Variants in CTNNBIP1 observed in about 807,000 individuals in gnomAD.
CTNNBIP1 encodes catenin beta interacting protein 1, also known as beta-catenin-interacting protein 1.
A neutral mutation model predicts 11.8 loss-of-function variants in CTNNBIP1; 7 were observed. That is an observed-to-expected ratio of 0.60 (90% CI 0.34 to 1.12). The LOEUF (loss-of-function observed/expected upper bound fraction) is 1.12. Among genes scored for constraint, CTNNBIP1 ranks in the 50% most tolerant of loss-of-function variants. The probability of loss-of-function intolerance (pLI) is 0.03; values close to 1 mark genes in which losing one functional copy is unlikely to be tolerated. For synonymous variants in CTNNBIP1, 58 were observed against 43.9 expected (o/e 1.32, Z -1.26); for missense variants, 101 against 113.4 (o/e 0.89, Z 0.50).
At chr1:9,879,544 C>T (rs1026269511) in intron 2 of CTNNBIP1, among the ~76,000 whole-genome samples, 1 of 152,142 alleles carries the variant, frequency 6.6e-6, no homozygotes, top group Non-Finnish European at 1.5e-5. Context: ...AGCTGTCACC[C>T]ACCACTGCCA....
chr1:9,876,440 A>C (rs6659441), intron 3 of CTNNBIP1, among the ~76,000 whole-genome samples: 10,512 of 152,138 alleles, frequency 0.069, 1,235 homozygotes, highest in African/African-American at 0.24. Flanking sequence ...AACATGGTGA[A>C]ACCCAGTCTC....
chr1:9,853,772 G>A (rs986692681), intron 5 of CTNNBIP1, among the ~76,000 whole-genome samples: 35 of 152,156 alleles, frequency 2.3e-4, no homozygotes, highest in Admixed American at 4.6e-4. Flanking sequence ...GTTGATCTGT[G>A]TCTCCTGTTC....
intron 5 of CTNNBIP1, among the ~76,000 whole-genome samples, chr1:9,853,867 C>T (rs1178029860): frequency 6.6e-6 from 1 of 151,688 alleles, no homozygotes; most frequent in Non-Finnish European, 1.5e-5. Flanking sequence ...GAGTATCTCA[C>T]ATGAATATAG....
chr1:9,857,630 G>A (rs11809921), intron 5 of CTNNBIP1, among the ~76,000 whole-genome samples: 18,905 of 151,982 alleles, frequency 0.12, 3,269 homozygotes, highest in African/African-American at 0.38. Context: ...GTGAAACCCC[G>A]TATCTACTAA....
chr1:9,865,309 T>C (rs1638720478), intron 5 of CTNNBIP1, among the ~76,000 whole-genome samples: 1 of 150,734 alleles, frequency 6.6e-6, no homozygotes, highest in Non-Finnish European at 1.5e-5. Context: ...ATGTTAAAAA[T>C]GGGTATTAAG....
intron 2 of CTNNBIP1, among the ~76,000 whole-genome samples, chr1:9,879,919 T>A (rs967443428): frequency 6.6e-6 from 1 of 152,226 alleles, no homozygotes; most frequent in African/African-American, 2.4e-5. Flanking sequence ...TTTTTTATTT[T>A]ATTTTTTGCT....
intron 2 of CTNNBIP1, among the ~76,000 whole-genome samples, chr1:9,880,828 T>C (rs1639066586): frequency 6.6e-6 from 1 of 152,206 alleles, no homozygotes; most frequent in Non-Finnish European, 1.5e-5. Flanking sequence ...TGATTGGTTG[T>C]GCACCGTGAG....
At chr1:9,886,931 C>T (rs543597635) in intron 1 of CTNNBIP1, among the ~76,000 whole-genome samples, 91 of 152,256 alleles carry the variant, frequency 6.0e-4, no homozygotes, top group African/African-American at 2.1e-3. Context: ...TAATATATTC[C>T]ACGTTGCAGC....
chr1:9,893,462 G>C (rs188067906), intron 1 of CTNNBIP1, among the ~76,000 whole-genome samples: 1 of 152,226 alleles, frequency 6.6e-6, no homozygotes, highest in Non-Finnish European at 1.5e-5. Context: ...GAGCTCCCCT[G>C]GCAAAAAGAC....
intron 5 of CTNNBIP1, among the ~76,000 whole-genome samples, chr1:9,864,910 A>T (rs1314455845): frequency 6.6e-6 from 1 of 152,208 alleles, no homozygotes; most frequent in Non-Finnish European, 1.5e-5. Flanking sequence ...CCTGTTCCTC[A>T]AGTAAACACT....
chr1:9,899,350 G>A (rs540899425), intron 1 of CTNNBIP1, among the ~76,000 whole-genome samples: 35 of 151,294 alleles, frequency 2.3e-4, no homozygotes, highest in Non-Finnish European at 4.3e-4. Context: ...CAGCTACCCA[G>A]GAGGCTGAGG....
At chr1:9,856,029 T>A (rs962727491) in intron 5 of CTNNBIP1, among the ~76,000 whole-genome samples, 3 of 152,090 alleles carry the variant, frequency 2.0e-5, no homozygotes, top group African/African-American at 7.2e-5. Context: ...ATGCCTGTAG[T>A]CCCAGCTACT....
intron 3 of CTNNBIP1, among the ~76,000 whole-genome samples, chr1:9,875,709 G>A (rs1277887218): frequency 2.0e-5 from 3 of 152,224 alleles, no homozygotes; most frequent in African/African-American, 7.2e-5. Context: ...TCCAGCTCTA[G>A]TTTGAGCTGA....
chr1:9,889,482 T>C (rs1379623868), intron 1 of CTNNBIP1, among the ~76,000 whole-genome samples: 1 of 152,092 alleles, frequency 6.6e-6, no homozygotes, highest in African/African-American at 2.4e-5. Flanking sequence ...CCTCCACATC[T>C]CTGGGCCTCT....
intron 5 of CTNNBIP1, among the ~76,000 whole-genome samples, chr1:9,856,705 G>T (rs1450048836): frequency 6.6e-6 from 1 of 151,418 alleles, no homozygotes; most frequent in East Asian, 2.0e-4. Flanking sequence ...GTAGAGACGG[G>T]GTTTCACCAT....
chr1:9,897,645 C>T lies in CTNNBIP1; in HGVS notation c.-144+12450G>A, dbSNP rs371509168. ...CCAGCCTGGGCGACAGAGCAAGACTCCGTTTCAAAAAAAAAAAAATTAGCC... is the reference window on the plus strand; with the variant it reads ...CCAGCCTGGGCGACAGAGCAAGACTTCGTTTCAAAAAAAAAAAAATTAGCC... On this transcript the variant is annotated intron_variant, in intron 1 of 5. Transcript: ENST00000377263. 3.3e-3 allele frequency among the ~76,000 whole-genome samples: 502 copies of T among 151,422 alleles called. 8 individuals carry two copies. Among genetic ancestry groups the T allele is most frequent in the Middle Eastern group, 0.021 (6 of 288 alleles).
rs574333600 is a variant in CTNNBIP1, at chr1:9,871,259, C to T, written c.115G>A (p.Glu39Lys). 1.3e-6 allele frequency: 2 copies of T among 1,574,250 alleles called. No individual in the cohort carries two copies. The highest frequency in any genetic ancestry group is 2.7e-5 in the African/African-American group (2 of 74,598). The change falls in exon 5 of 6, where the codon GAG becomes AAG. Residue 39 changes from glutamate to lysine, a missense_variant. Physicochemically the swap from Glu to Lys is moderately conservative, Grantham distance 56. Transcript: ENST00000377263. The surrounding 1 kb of genome is among the most constrained non-coding windows in gnomAD (Gnocchi z 5.2). Reference protein sequence around the residue: ...MGSNLTASEEEFLRTYAGVVN... With the variant: ...MGSNLTASEEKFLRTYAGVVN... ...ACCCCTGCATAGGTGCGCAGGAACTCCTCCTCGCTGGCTGTCAGCTGCAGG... is the reference window on the plus strand; with the variant it reads ...ACCCCTGCATAGGTGCGCAGGAACTTCTCCTCGCTGGCTGTCAGCTGCAGG...
intron 1 of CTNNBIP1, among the ~76,000 whole-genome samples, chr1:9,904,031 G>A (rs556349438): frequency 6.6e-5 from 10 of 152,280 alleles, no homozygotes; most frequent in South Asian, 2.1e-4. Flanking sequence ...CTCAGAAACC[G>A]TGAGGATGAA....
At chr1:9,904,952 C>T (rs995839689) in intron 1 of CTNNBIP1, among the ~76,000 whole-genome samples, 15 of 152,172 alleles carry the variant, frequency 9.9e-5, no homozygotes, top group African/African-American at 3.6e-4. Context: ...CTGTCATCAA[C>T]CTAGCTGATG....
Sources: allele counts gnomAD v4.1 joint callset (sites outside exome capture counted in the v4.1 genomes callset), GRCh38; gene constraint gnomAD v4.1.1; non-coding constraint Gnocchi (gnomAD v3.1); transcripts MANE v1.5; gene names NCBI Gene and HGNC (gene_info 2026-07-23, HGNC 2026-07-21).